Variants in MTUS2 observed in about 807,000 individuals in gnomAD.
MTUS2 encodes microtubule-associated tumor suppressor candidate 2.
A neutral mutation model predicts 114.1 loss-of-function variants in MTUS2; 40 were observed. The ratio of observed to expected loss-of-function variants is 0.35; its 90% CI spans 0.27 to 0.46. The LOEUF is 0.46. Ranked by LOEUF, MTUS2 falls within the 20% of genes least tolerant of loss-of-function variation. The pLI, the probability that MTUS2 is intolerant of heterozygous loss-of-function variation, is 1.00. For missense variants in MTUS2, 1,679 were observed against 1,705.4 expected, an observed-to-expected ratio of 0.98 and a Z score of 0.27; for synonymous variants, 688 against 672.0, an observed-to-expected ratio of 1.02 and a Z score of -0.37.
intron 4 of MTUS2, among the ~76,000 whole-genome samples, chr13:29,088,996 T>A (rs1330769033): frequency 6.6e-6 from 1 of 152,222 alleles, no homozygotes; most frequent in East Asian, 1.9e-4. Flanking sequence ...CCTGTCATCA[T>A]GTTGTTAGCT....
chr13:29,424,940 G>C (rs1173149432), intron 8 of MTUS2, among the ~76,000 whole-genome samples: 1 of 151,942 alleles, frequency 6.6e-6, no homozygotes, highest in African/African-American at 2.4e-5. Flanking sequence ...AAAGAAACCA[G>C]GAAAATTTTT....
chr13:29,101,099 T>A, intron 5 of MTUS2, 129 bp downstream of exon 5: 1 of 1,061,816 alleles, frequency 9.4e-7, no homozygotes, highest in Non-Finnish European at 1.3e-6. Context: ...CCCATTGTTG[T>A]GTTATTCATC....
intron 4 of MTUS2, among the ~76,000 whole-genome samples, chr13:29,058,218 T>TTC (rs1302792839): frequency 6.6e-6 from 1 of 150,640 alleles, no homozygotes; most frequent in East Asian, 1.9e-4. Flanking sequence ...TTTTTTTTTT[T>TTC]CATTTTGACT....
chr13:28,958,505 GTTATTC>G (rs1285869399), intron 2 of MTUS2, among the ~76,000 whole-genome samples: 1 of 152,208 alleles, frequency 6.6e-6, no homozygotes, highest in Non-Finnish European at 1.5e-5. Context: ...TGAAGAGTCT[GTTATTC>G]TTAGTCTGTT....
At chr13:29,423,969 A>T (rs1876311461) in intron 8 of MTUS2, among the ~76,000 whole-genome samples, 1 of 149,258 alleles carries the variant, frequency 6.7e-6, no homozygotes, top group South Asian at 2.1e-4. Flanking sequence ...GGTTCAAGGG[A>T]TTCTCCTGCC....
At chr13:28,852,154 T>C (rs1369458356) in intron 2 of MTUS2, among the ~76,000 whole-genome samples, 1 of 152,160 alleles carries the variant, frequency 6.6e-6, no homozygotes, top group Non-Finnish European at 1.5e-5. Context: ...CTTCTCCACC[T>C]GCTCAAATGT....
chr13:29,501,050 G>A (rs376350835), intron 14 of MTUS2, 47 bp from the exon 15 acceptor site: 44 of 1,540,900 alleles, frequency 2.9e-5, no homozygotes, highest in African/African-American at 9.6e-5. Flanking sequence ...GTTTACTCCC[G>A]ATTTTATGGC....
intron 2 of MTUS2, among the ~76,000 whole-genome samples, chr13:28,908,776 C>T (rs1880213480): frequency 6.6e-6 from 1 of 151,512 alleles, no homozygotes; most frequent in Non-Finnish European, 1.5e-5. Flanking sequence ...TGCCTATGTC[C>T]TGAATGGTAT....
At chr13:29,370,063 G>C (rs1871075928) in intron 8 of MTUS2, among the ~76,000 whole-genome samples, 1 of 152,184 alleles carries the variant, frequency 6.6e-6, no homozygotes, top group African/African-American at 2.4e-5. Context: ...AAAAGATAGA[G>C]ATCTGGCTAG....
At chr13:29,403,014 C>A (rs1355714751) in intron 8 of MTUS2, among the ~76,000 whole-genome samples, 4 of 152,298 alleles carry the variant, frequency 2.6e-5, no homozygotes, top group Middle Eastern at 3.4e-3. Flanking sequence ...GGATTACAGG[C>A]GTGAGCCACC....
chr13:29,174,429 G>A (rs990597401), intron 5 of MTUS2, among the ~76,000 whole-genome samples: 6 of 152,250 alleles, frequency 3.9e-5, no homozygotes, highest in Admixed American at 3.9e-4. Flanking sequence ...CAGAACAGTA[G>A]CTTGCATGCT....
rs188699250 is a variant in MTUS2 at position 29,349,005 on chromosome 13, G to A, written c.2906-10257G>A. 8.4e-4 allele frequency among the ~76,000 whole-genome samples: 127 copies of A among 152,004 alleles called. No homozygotes were observed. In the South Asian group the frequency reaches 0.024, roughly 28 times the overall value. On this transcript the variant is annotated intron_variant, in intron 7 of 15. Transcript: ENST00000612955. ...CATTTTTATCCAATCTGAAATCTCC[G>A]GCTTTCATATGCATTTGATGTTATT...
chr13:29,087,665 G>A (rs557583166), intron 4 of MTUS2, among the ~76,000 whole-genome samples: 2 of 152,256 alleles, frequency 1.3e-5, no homozygotes, highest in East Asian at 1.9e-4. Flanking sequence ...GTTGATGCTG[G>A]CCTCATGAAA....
chr13:29,099,683 AGT>A (rs1164002891), intron 4 of MTUS2, among the ~76,000 whole-genome samples: 1 of 152,230 alleles, frequency 6.6e-6, no homozygotes, highest in Non-Finnish European at 1.5e-5. Context: ...CTGAATGGGC[AGT>A]ATATAGGCAC....
At chr13:29,371,469 C>A (rs574998957) in intron 8 of MTUS2, among the ~76,000 whole-genome samples, 1 of 152,138 alleles carries the variant, frequency 6.6e-6, no homozygotes, top group African/African-American at 2.4e-5. Context: ...CTGCTTGCCT[C>A]GGCCTTCCAA....
chr13:28,995,401 A>G (rs1885052677), intron 2 of MTUS2, among the ~76,000 whole-genome samples: 1 of 152,156 alleles, frequency 6.6e-6, no homozygotes, highest in Non-Finnish European at 1.5e-5. Context: ...TTGGTTCCAT[A>G]TGAACTTTAA....
At chr13:29,210,400 C>T (rs1479037151) in intron 5 of MTUS2, among the ~76,000 whole-genome samples, 1 of 152,050 alleles carries the variant, frequency 6.6e-6, no homozygotes, top group Non-Finnish European at 1.5e-5. Flanking sequence ...TAGCTTCATA[C>T]TCAAACTTCT....
chr13:29,121,364 G>A (rs774809159), intron 5 of MTUS2, among the ~76,000 whole-genome samples: 7 of 152,108 alleles, frequency 4.6e-5, no homozygotes, highest in Non-Finnish European at 1.0e-4. Context: ...GGGCGTTAAA[G>A]AGCTTACTTT....
intron 2 of MTUS2, among the ~76,000 whole-genome samples, chr13:28,870,028 T>C (rs1436650580): frequency 6.6e-6 from 1 of 152,184 alleles, no homozygotes; most frequent in Non-Finnish European, 1.5e-5. Context: ...TGGGTATGGG[T>C]CATACAGTGA....
Sources: allele counts gnomAD v4.1 joint callset (sites outside exome capture counted in the v4.1 genomes callset), GRCh38; gene constraint gnomAD v4.1.1; transcripts MANE v1.5; gene names NCBI Gene and HGNC (gene_info 2026-07-23, HGNC 2026-07-21).